The following RTN4 variants were observed in gnomAD, a reference collection of about 807,000 sequenced individuals.
RTN4 encodes reticulon 4, also known as reticulon-4.
A neutral mutation model predicts 90.4 loss-of-function variants in RTN4; 32 were observed. That is an observed-to-expected ratio of 0.35 (90% confidence interval 0.27 to 0.48). The LOEUF (loss-of-function observed/expected upper bound fraction) is 0.48, where lower values mean the gene tolerates loss of function less well. Among genes scored for constraint, RTN4 ranks in the 20% least tolerant of loss-of-function variants. The pLI is 0.99. For synonymous variants in RTN4, 629 were observed against 552.5 expected (o/e 1.14, Z -1.94); for missense variants, 1,706 against 1,430.2 (o/e 1.19, Z -3.11).
At chr2:55,084,180 C>T (rs534408505) in intron 1 of RTN4, among the ~76,000 whole-genome samples, 42 of 152,170 alleles carry the variant, frequency 2.8e-4, no homozygotes, top group Admixed American at 1.6e-3. Context: ...AGAGAGCTTC[C>T]GGGTTGCTGA....
intron 1 of RTN4, among the ~76,000 whole-genome samples, chr2:55,029,293 C>T (rs1287999445): frequency 6.6e-6 from 1 of 152,130 alleles, no homozygotes; most frequent in African/African-American, 2.4e-5. Context: ...TGTTCAGCCA[C>T]CCAGCCTATG....
chr2:55,098,143 T>C (rs1183226122), intron 1 of RTN4, among the ~76,000 whole-genome samples: 1 of 152,096 alleles, frequency 6.6e-6, no homozygotes, highest in Admixed American at 6.6e-5. Flanking sequence ...AGGGCTAGTG[T>C]TGTCCCATTT....
the RTN4 span, among the ~76,000 whole-genome samples, chr2:55,119,445 A>T: frequency 2.0e-5 from 3 of 152,230 alleles, no homozygotes; most frequent in Non-Finnish European, 4.4e-5. Flanking sequence ...GAGTCTATTT[A>T]AGAACAGAGA....
At chr2:55,120,211 T>G in the RTN4 span, among the ~76,000 whole-genome samples, 144,926 of 152,296 alleles carry the variant, frequency 0.95, 69,059 homozygotes, top group African/African-American at 0.98. Flanking sequence ...CCCAGGCAGA[T>G]GCTGAGGCCG....
the RTN4 span, among the ~76,000 whole-genome samples, chr2:55,129,870 T>C: frequency 6.6e-6 from 1 of 151,990 alleles, no homozygotes; most frequent in Non-Finnish European, 1.5e-5. Flanking sequence ...CAACTCGTCT[T>C]TTAAAAAAAG....
chr2:55,072,519 G>A lies in RTN4; in HGVS notation c.-63+7970C>T, dbSNP rs185854136. Among the ~76,000 whole-genome samples, 1,156 of 152,294 alleles carry A rather than the reference G, an allele frequency of 7.6e-3. 18 individuals carry two copies. The highest frequency in any genetic ancestry group is 0.026 in the African/African-American group (1,100 of 41,570). ...GCTGGGATTACAGGCGTGAGCCACC[G>A]CACCCGGCCCAGTATTTATATTTTC... On this transcript the variant is annotated intron_variant, in intron 2 of 3. Transcript: ENST00000427710.
chr2:55,100,465 A>T (rs889013049), intron 1 of RTN4, among the ~76,000 whole-genome samples: 1 of 152,230 alleles, frequency 6.6e-6, no homozygotes, highest in East Asian at 1.9e-4. Flanking sequence ...GCCATTTGCC[A>T]TAATTCTTTC....
chr2:54,973,735 T>C (rs1157781244), intron 7 of RTN4, 86 bp downstream of exon 7: 5 of 1,504,406 alleles, frequency 3.3e-6, no homozygotes, highest in East Asian at 2.3e-5. Flanking sequence ...TTGTAAGACA[T>C]TGAAAATGGG....
At chr2:54,979,016 T>C (rs1056743627) in intron 5 of RTN4, among the ~76,000 whole-genome samples, 3 of 152,016 alleles carry the variant, frequency 2.0e-5, no homozygotes, top group Admixed American at 6.6e-5. Context: ...AGTAATACAG[T>C]CCACTATTAA....
chr2:55,021,817 T>A (rs991151982), intron 3 of RTN4, among the ~76,000 whole-genome samples: 2 of 152,320 alleles, frequency 1.3e-5, no homozygotes, highest in African/African-American at 4.8e-5. Context: ...ATAGCAATAC[T>A]GGGTTTCCTT....
At chr2:54,989,674 A>T (rs369389569) in intron 3 of RTN4, among the ~76,000 whole-genome samples, 3 of 152,368 alleles carry the variant, frequency 2.0e-5, no homozygotes. Context: ...TCTAGGAAAG[A>T]TAAGACATAT....
At chr2:55,131,300 T>C in the RTN4 span, among the ~76,000 whole-genome samples, 1 of 152,034 alleles carries the variant, frequency 6.6e-6, no homozygotes, top group Non-Finnish European at 1.5e-5. Context: ...CCTCCACTTC[T>C]TGGGCTCAAG....
In RTN4 at chr2:55,031,815, C is replaced by A. The variant is rs114854743; in HGVS notation, c.557-3595G>T. The stretch of plus-strand genomic sequence containing the variant: ...AACAGTTTAGACAAAGGCTGTATGG[C>A]CCACAAGCCTAAACTATTTACTCTA... On this transcript the variant is annotated intron_variant, in intron 1 of 8. Transcript: ENST00000337526. Among the ~76,000 whole-genome samples the A allele has an allele frequency of 3.6e-3, 551 of 152,232 alleles. 4 individuals are homozygous for A. Among genetic ancestry groups the A allele is most frequent in the African/African-American group, 0.013 (532 of 41,534 alleles).
At chr2:54,973,344 C>G (rs1677293492) in intron 8 of RTN4, 146 bp from the exon 9 acceptor site, 2 of 861,810 alleles carry the variant, frequency 2.3e-6, no homozygotes, top group Non-Finnish European at 3.6e-6. Context: ...ATTTTGCCAC[C>G]TTGGCCTCAT....
At chr2:55,108,508 G>A (rs967354977) in intron 1 of RTN4, among the ~76,000 whole-genome samples, 2 of 151,994 alleles carry the variant, frequency 1.3e-5, no homozygotes, top group Non-Finnish European at 2.9e-5. Context: ...AGAATCCCTT[G>A]CTAGCCATAC....
At chr2:55,124,544 A>T in the RTN4 span, among the ~76,000 whole-genome samples, 4 of 152,232 alleles carry the variant, frequency 2.6e-5, no homozygotes, top group African/African-American at 7.2e-5. Context: ...ATTACAAAAC[A>T]CTGTTCAAGG....
At chr2:55,075,301 A>C (rs1296458184) in intron 2 of RTN4, among the ~76,000 whole-genome samples, 1 of 152,228 alleles carries the variant, frequency 6.6e-6, no homozygotes, top group East Asian at 1.9e-4. Context: ...CTGAGAATCA[A>C]ATCAAGAACT....
At chr2:55,104,037 T>A (rs1356065403) in intron 1 of RTN4, among the ~76,000 whole-genome samples, 2 of 151,204 alleles carry the variant, frequency 1.3e-5, no homozygotes, top group Admixed American at 1.3e-4. Flanking sequence ...CAATAAAGTG[T>A]TTTTTGTTCT....
In RTN4 at chr2:55,061,957, G is replaced by A. The variant is rs150376244; in HGVS notation, c.-63+18532C>T. Among the ~76,000 whole-genome samples, 9 of 152,270 alleles carry A rather than the reference G, an allele frequency of 5.9e-5. No individual in the cohort carries two copies. In the East Asian group the frequency reaches 1.4e-3, roughly 23 times the overall value. ...GGCAAACACACAAAAACGGCTGGAC[G>A]TTGAGAGAAGCACATTGGCGGAGGA... On this transcript the variant is annotated intron_variant, in intron 2 of 3. Coordinates refer to the RTN4 transcript ENST00000427710.
Sources: gnomAD v4.1 joint callset for allele counts (sites outside exome capture counted in the v4.1 genomes callset) on GRCh38, gnomAD v4.1.1 for gene constraint, MANE v1.5 for transcripts, NCBI Gene and HGNC (gene_info 2026-07-23, HGNC 2026-07-21) for gene names.